The following NMNAT2 variants were observed in gnomAD, a reference collection of about 807,000 sequenced individuals.
The protein encoded by NMNAT2 is nicotinamide nucleotide adenylyltransferase 2.
NMNAT2 carries 11 observed loss-of-function variants against 41.6 expected under a neutral mutation model. The ratio of observed to expected loss-of-function variants is 0.26; its 90% CI spans 0.17 to 0.44. The LOEUF (loss-of-function observed/expected upper bound fraction) is 0.44, where lower values mean the gene tolerates loss of function less well. Among genes scored for constraint, NMNAT2 ranks in the 20% least tolerant of loss-of-function variants. The pLI is 1.00. For synonymous variants in NMNAT2, 148 were observed against 151.2 expected, an observed-to-expected ratio of 0.98 and a Z score of 0.16; for missense variants, 288 against 407.7, an observed-to-expected ratio of 0.71 and a Z score of 2.53.
At chr1:183,385,536 G>A (rs1027390356) in intron 1 of NMNAT2, among the ~76,000 whole-genome samples, 1 of 152,194 alleles carries the variant, frequency 6.6e-6, no homozygotes, top group African/African-American at 2.4e-5. Context: ...TTCTGTGACA[G>A]GGGTGTGGCC....
intron 8 of NMNAT2, among the ~76,000 whole-genome samples, chr1:183,274,211 C>A (rs1377023066): frequency 3.9e-5 from 6 of 152,014 alleles, no homozygotes; most frequent in Non-Finnish European, 7.4e-5. Flanking sequence ...CTGCGCCTGG[C>A]TGGCCAGCTC....
chr1:183,353,912 C>T (rs1289980822), intron 1 of NMNAT2, among the ~76,000 whole-genome samples: 2 of 152,118 alleles, frequency 1.3e-5, no homozygotes, highest in African/African-American at 4.8e-5. Context: ...CTCCAACCCC[C>T]TACTCTGGAA....
In NMNAT2 at chr1:183,255,664, T is replaced by G. The variant is rs1230771417; in HGVS notation, c.822-2921A>C. Reference sequence around the variant, plus strand: ...CTTTGTTAAATTTATTCCTAAGGGTTTTTTTTTTTTTTTTTTTCAGACAGA... The same window carrying G: ...CTTTGTTAAATTTATTCCTAAGGGTGTTTTTTTTTTTTTTTTTCAGACAGA... On this transcript the variant is annotated intron_variant, in intron 10 of 10. Transcript: ENST00000287713. 1.6e-3 allele frequency among the ~76,000 whole-genome samples: 17 copies of G among 10,716 alleles called. No homozygotes were observed. In the East Asian group the frequency reaches 0.018, roughly 11 times the overall value. 7.0% of individuals were successfully genotyped at this position (10,716 alleles called of 152,430 possible).
intron 1 of NMNAT2, among the ~76,000 whole-genome samples, chr1:183,406,302 C>T (rs759070445): frequency 2.6e-5 from 4 of 152,124 alleles, no homozygotes; most frequent in Middle Eastern, 3.4e-3. Flanking sequence ...CTTGTGAAGC[C>T]GAAAGAGAAG....
intron 1 of NMNAT2, among the ~76,000 whole-genome samples, chr1:183,335,306 C>T (rs950821360): frequency 1.3e-5 from 2 of 152,188 alleles, no homozygotes; most frequent in African/African-American, 4.8e-5. Context: ...TCTTTCTACT[C>T]TATACCTCTG....
intron 1 of NMNAT2, among the ~76,000 whole-genome samples, chr1:183,391,847 ATT>A (rs1213913173): frequency 6.6e-6 from 1 of 152,174 alleles, no homozygotes; most frequent in Non-Finnish European, 1.5e-5. Flanking sequence ...CACTGATGGC[ATT>A]TGACTTCCAG....
At chr1:183,315,156 A>C (rs1203254412) in intron 1 of NMNAT2, among the ~76,000 whole-genome samples, 1 of 152,212 alleles carries the variant, frequency 6.6e-6, no homozygotes, top group Non-Finnish European at 1.5e-5. Flanking sequence ...AATATGGGGA[A>C]AAAATAGAGG....
rs1273677289 is a variant in NMNAT2, at chr1:183,250,657, A to T, written c.*1984T>A. The T allele has an allele frequency of 6.6e-6, 1 of 152,626 alleles. No individual in the cohort carries two copies. The highest frequency in any genetic ancestry group is 2.4e-5 in the African/African-American group (1 of 41,442). The allele number at this position is 152,626 out of a possible 1,614,324, so 9.5% of individuals were successfully genotyped here. A position where few individuals can be genotyped will look rare whatever the true frequency, so the allele number is the denominator to read the frequency against. On this transcript the variant is annotated 3_prime_UTR_variant, in exon 11 of 11. Coordinates refer to ENST00000287713, the MANE Select transcript of NMNAT2 (RefSeq NM_015039.4). ...CTCAACTTTTAAAGGAAAGTGTTGG[A>T]TCAACTGAACTCTAAAGTTTTTTTC...
At chr1:183,268,345 C>T (rs1266812868) in intron 8 of NMNAT2, among the ~76,000 whole-genome samples, 1 of 152,174 alleles carries the variant, frequency 6.6e-6, no homozygotes, top group African/African-American at 2.4e-5. Flanking sequence ...TTCCTAGACA[C>T]TAGGCATGCA....
rs11343113 is a variant in NMNAT2 at position 183,357,219 on chromosome 1, C to CTTT, written c.85+60961_85+60963dup. 7.0e-4 allele frequency among the ~76,000 whole-genome samples: 50 copies of CTTT among 71,610 alleles called. 1 individual carries two copies. Among genetic ancestry groups the CTTT allele is most frequent in the Non-Finnish European group, 9.7e-4 (36 of 36,998 alleles). 47.0% of individuals were successfully genotyped at this position (71,610 alleles called of 152,430 possible). A position where few individuals can be genotyped will look rare whatever the true frequency, so the allele number is the denominator to read the frequency against. ...GCTCAGGGAAGAGAGACATCAAATT[C>CTTT]TTTTTTTTTTTTTTTTTTTTTTTTT... On this transcript the variant is annotated intron_variant, in intron 1 of 10. Transcript: ENST00000287713.
At chr1:183,253,003 T>A (rs1190930810) in intron 10 of NMNAT2, among the ~76,000 whole-genome samples, 1 of 152,162 alleles carries the variant, frequency 6.6e-6, no homozygotes, top group Non-Finnish European at 1.5e-5. Flanking sequence ...TTTTTTCCTG[T>A]AAAATGAGGG....
intron 1 of NMNAT2, among the ~76,000 whole-genome samples, chr1:183,353,009 A>G (rs1414803906): frequency 1.3e-5 from 2 of 151,880 alleles, no homozygotes; most frequent in Non-Finnish European, 2.9e-5. Flanking sequence ...TTCTGAATAC[A>G]TTCTCTTTTT....
chr1:183,329,994 A>G (rs760732343), intron 1 of NMNAT2, among the ~76,000 whole-genome samples: 1 of 152,072 alleles, frequency 6.6e-6, no homozygotes, highest in Non-Finnish European at 1.5e-5. Flanking sequence ...TCCCCGCAAA[A>G]CCGGGAGGCT....
At chr1:183,329,142 A>C (rs1438748397) in intron 1 of NMNAT2, among the ~76,000 whole-genome samples, 1 of 152,136 alleles carries the variant, frequency 6.6e-6, no homozygotes, top group East Asian at 1.9e-4. Flanking sequence ...ATTTCTGCCT[A>C]TGGGGGTTCA....
At chr1:183,370,872 G>C (rs537665437) in intron 1 of NMNAT2, among the ~76,000 whole-genome samples, 1 of 152,190 alleles carries the variant, frequency 6.6e-6, no homozygotes, top group Non-Finnish European at 1.5e-5. Context: ...TGCCCTGTCC[G>C]GTGTGCTTTC....
Position 183,316,756 on chromosome 1 carries a change from T to C in NMNAT2, c.86-22963A>G, listed in dbSNP as rs78634258. 5.1e-3 allele frequency among the ~76,000 whole-genome samples: 775 copies of C among 152,328 alleles called. 7 individuals are homozygous for C. The highest frequency in any genetic ancestry group is 0.014 in the African/African-American group (593 of 41,584). On this transcript the variant is annotated intron_variant, in intron 1 of 10. Transcript: ENST00000287713. ...TTGATACTCAGCAAACATTGATTCA[T>C]TGGGTAAGTGAACGTAAGCAGAGCT... is the stretch of plus-strand genomic sequence containing the variant.
chr1:183,332,898 C>T (rs1463954512), intron 1 of NMNAT2, among the ~76,000 whole-genome samples: 3 of 152,200 alleles, frequency 2.0e-5, no homozygotes, highest in African/African-American at 7.2e-5. Context: ...CACATTTATC[C>T]TCATTTTGTT....
At chr1:183,305,087 G>A (rs1051442671) in intron 1 of NMNAT2, among the ~76,000 whole-genome samples, 18 of 147,082 alleles carry the variant, frequency 1.2e-4, no homozygotes, top group South Asian at 4.2e-4. Flanking sequence ...CTTGGAATTC[G>A]CCCATTGTTG....
chr1:183,352,703 G>A (rs897714679), intron 1 of NMNAT2, among the ~76,000 whole-genome samples: 7 of 152,022 alleles, frequency 4.6e-5, no homozygotes, highest in Non-Finnish European at 8.8e-5. Context: ...TTGTAAGTCC[G>A]TCTATGAGAC....
Sources: allele counts gnomAD v4.1 joint callset (sites outside exome capture counted in the v4.1 genomes callset), GRCh38; gene constraint gnomAD v4.1.1; transcripts MANE v1.5; gene names NCBI Gene and HGNC (gene_info 2026-07-23, HGNC 2026-07-21).